DNAI2: variants seen among roughly 807,000 people sequenced by gnomAD.
DNAI2 encodes the protein dynein axonemal intermediate chain 2.
DNAI2 carries 63 observed loss-of-function variants against 74.7 expected under a neutral mutation model. The ratio of observed to expected loss-of-function variants is 0.84; its 90% CI spans 0.69 to 1.04. The LOEUF (loss-of-function observed/expected upper bound fraction) is 1.04. Among genes scored for constraint, DNAI2 ranks in the 50% least tolerant of loss-of-function variants. DNAI2 has a pLI of 0.00. For missense variants in DNAI2, 688 were observed against 803.2 expected, an observed-to-expected ratio of 0.86 and a Z score of 1.73; for synonymous variants, 289 against 314.9, an observed-to-expected ratio of 0.92 and a Z score of 0.87.
Position 74,281,923 on chromosome 17 carries a change from G to A in DNAI2, c.106G>A (p.Glu36Lys). The change falls in exon 2 of 14, where the codon GAG (glutamate) becomes AAG (lysine). Residue 36 changes from glutamate to lysine, a missense_variant. Glu to Lys is a moderately conservative substitution (Grantham distance 56). Coordinates refer to ENST00000311014, the MANE Select transcript of DNAI2 (RefSeq NM_023036.6). ...ELNIDIMPNP[E>K]LAEQFVERNP... ...GAACATCGACATCATGCCCAACCCT[G>A]AGCTGGCCGAGCAGTTCGTGGAGCG... is the stretch of plus-strand genomic sequence containing the variant. 1 of 1,614,170 alleles carries A rather than the reference G, an allele frequency of 6.2e-7. No individual in the cohort carries two copies. The highest frequency in any genetic ancestry group is 8.5e-7 in the Non-Finnish European group (1 of 1,180,032).
intron 9 of DNAI2, chr17:74,307,405 T>A (rs924911239): frequency 4.2e-5 from 18 of 432,938 alleles, no homozygotes; most frequent in Non-Finnish European, 1.4e-5. Flanking sequence ...AGTGGGCTAA[T>A]GCCTGTAATC....
chr17:74,299,473 G>C (rs907552949), intron 6 of DNAI2, among the ~76,000 whole-genome samples: 1 of 152,070 alleles, frequency 6.6e-6, no homozygotes, highest in Non-Finnish European at 1.5e-5. Flanking sequence ...AGGGCCAAGT[G>C]TTGGGTAGGG....
intron 12 of DNAI2, among the ~76,000 whole-genome samples, chr17:74,312,936 G>A (rs1204435637): frequency 6.6e-6 from 1 of 152,206 alleles, no homozygotes; most frequent in Admixed American, 6.5e-5. Flanking sequence ...CCAAAGAGCA[G>A]CGTGGAAGGG....
In DNAI2 at chr17:74,300,951, G is replaced by T; in HGVS notation, c.865-95G>T. 6.4e-7 allele frequency: 1 copy of T among 1,564,416 alleles called. No homozygotes were observed. On this transcript the variant is annotated intron_variant, in intron 7 of 13. Coordinates refer to ENST00000311014, the MANE Select transcript of DNAI2 (RefSeq NM_023036.6). The surrounding 1 kb of genome is among the most constrained non-coding windows in gnomAD (Gnocchi z 4.5). ...GGAGCTCCATCCTTTGTGGCCCAGT[G>T]GCTGACCCCAGGACGGTGGGGTGAG... is the stretch of plus-strand genomic sequence containing the variant.
chr17:74,288,708 G>A (rs1250497503), intron 4 of DNAI2, among the ~76,000 whole-genome samples: 1 of 152,184 alleles, frequency 6.6e-6, no homozygotes, highest in Non-Finnish European at 1.5e-5. Context: ...GGGGAAGAAG[G>A]ACTCCTCGGC....
intron 1 of DNAI2, among the ~76,000 whole-genome samples, chr17:74,275,099 G>A (rs1451925159): frequency 6.6e-6 from 1 of 152,208 alleles, no homozygotes; most frequent in African/African-American, 2.4e-5. Flanking sequence ...TGGTATCACA[G>A]TCACTAACGC....
chr17:74,312,899 C>T (rs1317301388), intron 12 of DNAI2, among the ~76,000 whole-genome samples: 1 of 152,126 alleles, frequency 6.6e-6, no homozygotes, highest in Admixed American at 6.5e-5. Flanking sequence ...TCAGGCCCCA[C>T]AGATAAGATG....
intron 9 of DNAI2, 25 bp from the exon 10 acceptor site, chr17:74,309,228 C>G: frequency 6.2e-7 from 1 of 1,613,728 alleles, no homozygotes; most frequent in Non-Finnish European, 8.5e-7. Flanking sequence ...GTCCCTCCAA[C>G]CATGATGTGG....
intron 6 of DNAI2, among the ~76,000 whole-genome samples, chr17:74,291,700 G>T (rs2052111360): frequency 6.6e-6 from 1 of 152,172 alleles, no homozygotes; most frequent in African/African-American, 2.4e-5. Context: ...TAAAATCAGA[G>T]AATATTTGAC....
At chr17:74,309,631 A>T (rs1384150393) in intron 10 of DNAI2, 2 of 702,190 alleles carry the variant, frequency 2.8e-6, no homozygotes, top group African/African-American at 1.7e-5. Flanking sequence ...GGGGAAATTT[A>T]AAAAGAAACA....
chr17:74,294,481 T>G (rs1289315944), intron 6 of DNAI2, among the ~76,000 whole-genome samples: 4 of 151,946 alleles, frequency 2.6e-5, no homozygotes, highest in Non-Finnish European at 5.9e-5. Flanking sequence ...AGCTACTTTT[T>G]TATTTTTTAA....
chr17:74,280,856 G>A (rs1007086867), intron 1 of DNAI2, among the ~76,000 whole-genome samples: 1 of 152,050 alleles, frequency 6.6e-6, no homozygotes, highest in East Asian at 1.9e-4. Context: ...GGAGGCTGAG[G>A]CAGGTGGATC....
Position 74,310,083 on chromosome 17 carries a change from C to T in DNAI2, c.1414C>T (p.Gln472Ter), listed in dbSNP as rs756868374. ...DNGCLIACGS[Q>*]LGTTTLLEVS... The stretch of plus-strand genomic sequence containing the variant: ...TGGGTGTCTCATCGCCTGCGGCTCC[C>T]AGCTGGGGACAACCACCCTGCTGGA... The change falls in exon 11 of 14, where the codon CAG becomes TAG. Residue 472 changes from glutamine (Q) to a stop codon, truncating the protein, a stop_gained. Coordinates refer to ENST00000311014, the MANE Select transcript of DNAI2 (RefSeq NM_023036.6). LOFTEE classifies it high-confidence loss of function. 50 of 1,613,804 alleles carry T rather than the reference C, an allele frequency of 3.1e-5. No homozygotes were observed. The highest frequency in any genetic ancestry group is 4.2e-5 in the Non-Finnish European group (49 of 1,180,050).
At chr17:74,279,780 C>T (rs544181693) in intron 1 of DNAI2, among the ~76,000 whole-genome samples, 11 of 152,314 alleles carry the variant, frequency 7.2e-5, no homozygotes, top group African/African-American at 2.2e-4. Context: ...CCACCGGCCT[C>T]GGCCACCCAA....
rs1422342991 is a variant in DNAI2 at position 74,281,926 on chromosome 17, C to G, written c.109C>G (p.Leu37Val). 1.1e-5 allele frequency: 18 copies of G among 1,614,090 alleles called. No individual in the cohort carries two copies. Among genetic ancestry groups the G allele is most frequent in the Non-Finnish European group, 1.5e-5 (18 of 1,180,044 alleles). Residue 37 changes from leucine to valine, a missense_variant, in exon 2 of 14, where the codon CTG becomes GTG. Physicochemically the swap from Leu to Val is conservative, Grantham distance 32 (BLOSUM62 1). Transcript: ENST00000311014. The stretch of plus-strand genomic sequence containing the variant: ...CATCGACATCATGCCCAACCCTGAG[C>G]TGGCCGAGCAGTTCGTGGAGCGGAA... Reference protein sequence around the residue: ...LNIDIMPNPELAEQFVERNPV... With the variant: ...LNIDIMPNPEVAEQFVERNPV...
intron 8 of DNAI2, among the ~76,000 whole-genome samples, chr17:74,302,510 T>G (rs1184217846): frequency 6.6e-6 from 1 of 151,742 alleles, no homozygotes; most frequent in African/African-American, 2.4e-5. Flanking sequence ...GGGGTTGCGG[T>G]GAGCCAAGAT....
At chr17:74,310,836 A>T (rs1451116873) in intron 11 of DNAI2, among the ~76,000 whole-genome samples, 1 of 151,634 alleles carries the variant, frequency 6.6e-6, no homozygotes, top group African/African-American at 2.4e-5. Flanking sequence ...CACCGTGCCC[A>T]GCCTAATTAT....
In DNAI2 at chr17:74,284,968, G is replaced by C. The variant is rs1036922710; in HGVS notation, c.184-72G>C. 12 of 1,605,482 alleles carry C rather than the reference G, an allele frequency of 7.5e-6. No homozygotes were observed. In the African/African-American group the frequency reaches 1.6e-4, roughly 21 times the overall value. ...AGCCCTGGGAGCCCCCGTGGGACCT[G>C]GCTTGCAGAAGTGGCCGAGGGTTTG... On this transcript the variant is annotated intron_variant, in intron 2 of 13. Transcript: ENST00000311014.
At chr17:74,312,251 T>A in intron 12 of DNAI2, 21 bp downstream of exon 12, 1 of 500,434 alleles carries the variant, frequency 2.0e-6, no homozygotes, top group Non-Finnish European at 3.9e-6. Context: ...GGACAGGGGT[T>A]GGGTGGGTTG....
Sources: allele counts gnomAD v4.1 joint callset (sites outside exome capture counted in the v4.1 genomes callset), GRCh38; gene constraint gnomAD v4.1.1; non-coding constraint Gnocchi (gnomAD v3.1); transcripts MANE v1.5; gene names NCBI Gene and HGNC (gene_info 2026-07-23, HGNC 2026-07-21).